NELL2: variants seen among roughly 807,000 people sequenced by gnomAD.
NELL2 encodes the protein neural EGFL like 2.
Under a neutral mutation model 109.6 loss-of-function variants are expected in NELL2, and 41 were observed. The ratio of observed to expected loss-of-function variants is 0.37; its 90% confidence interval spans 0.29 to 0.49. NELL2 has a LOEUF of 0.49. Ranked by LOEUF, NELL2 falls within the 20% of genes least tolerant of loss-of-function variation. NELL2 has a pLI of 0.98. For missense variants in NELL2, 900 were observed against 1,008.3 expected, an observed-to-expected ratio of 0.89 and a Z score of 1.45; for synonymous variants, 355 against 344.7, an observed-to-expected ratio of 1.03 and a Z score of -0.33.
At chr12:44,632,562 C>A (rs929811822) in intron 13 of NELL2, among the ~76,000 whole-genome samples, 5 of 151,908 alleles carry the variant, frequency 3.3e-5, no homozygotes, top group African/African-American at 1.2e-4. Context: ...ATAAATAAAG[C>A]ATCTGGAACC....
intron 2 of NELL2, among the ~76,000 whole-genome samples, chr12:44,854,515 G>A (rs905907214): frequency 1.3e-5 from 2 of 151,500 alleles, no homozygotes; most frequent in Non-Finnish European, 2.9e-5. Flanking sequence ...AAGGAAGGAC[G>A]AAATTTACTT....
Position 44,875,827 on chromosome 12 carries a change from C to A in NELL2, c.43G>T (p.Gly15Cys), listed in dbSNP as rs756134999. The A allele has an allele frequency of 1.9e-6, 3 of 1,613,750 alleles. No individual in the cohort carries two copies. Among genetic ancestry groups the A allele is most frequent in the Non-Finnish European group, 1.7e-6 (2 of 1,180,024 alleles). The part of the protein sequence containing the change: ...VLLRTFCLIF[G>C]LGAVWGLGVD... ...TGCGGCCACTCACCTGCTCCGAGAC[C>A]GAAGATCAAACAGAATGTTCTCAGT... Residue 15 changes from glycine (G) to cysteine (C), a missense_variant, in exon 1 of 20, where the codon GGT (glycine) becomes TGT (cysteine). Physicochemically the swap from Gly to Cys is radical, Grantham distance 159 (BLOSUM62 -3). Around this residue, in one of 4 missense-constraint regions of NELL2, gnomAD observed 200 missense variants for 191.8 expected, o/e 1.04. Transcript: ENST00000429094.
intron 2 of NELL2, among the ~76,000 whole-genome samples, chr12:44,858,614 G>A (rs746111117): frequency 5.9e-5 from 9 of 152,136 alleles, no homozygotes; most frequent in Admixed American, 1.3e-4. Flanking sequence ...CTACAAATAT[G>A]AGTTTATATG....
intron 9 of NELL2, among the ~76,000 whole-genome samples, chr12:44,722,593 A>G (rs1393590429): frequency 6.6e-6 from 1 of 152,224 alleles, no homozygotes. Context: ...TCAGAGAAGA[A>G]CACAGTCTTA....
chr12:44,594,480 C>T (rs1278837315), intron 15 of NELL2, among the ~76,000 whole-genome samples: 1 of 151,898 alleles, frequency 6.6e-6, no homozygotes, highest in Admixed American at 6.6e-5. Flanking sequence ...CTTTTGATTC[C>T]TAATATTGAA....
chr12:44,646,065 G>A (rs1193294870), intron 13 of NELL2, among the ~76,000 whole-genome samples: 1 of 151,756 alleles, frequency 6.6e-6, no homozygotes, highest in Non-Finnish European at 1.5e-5. Context: ...GCAAGGGTAT[G>A]TCTTTTTTTT....
intron 12 of NELL2, among the ~76,000 whole-genome samples, chr12:44,685,413 C>T (rs1188878693): frequency 6.6e-6 from 1 of 151,956 alleles, no homozygotes; most frequent in Non-Finnish European, 1.5e-5. Flanking sequence ...AGTCCATTGA[C>T]ATTTAAAGTT....
intron 3 of NELL2, among the ~76,000 whole-genome samples, chr12:44,790,335 C>A (rs1270307513): frequency 6.6e-6 from 1 of 152,078 alleles, no homozygotes; most frequent in African/African-American, 2.4e-5. Context: ...CCTCCTCAAA[C>A]AAAACAATTA....
intron 15 of NELL2, among the ~76,000 whole-genome samples, chr12:44,567,245 A>C (rs1257591554): frequency 6.6e-6 from 1 of 152,200 alleles, no homozygotes; most frequent in Non-Finnish European, 1.5e-5. Flanking sequence ...CTCATTTCTC[A>C]ATACTATTTC....
chr12:44,815,090 G>C (rs1168148487), intron 3 of NELL2, among the ~76,000 whole-genome samples: 1 of 152,116 alleles, frequency 6.6e-6, no homozygotes, highest in Non-Finnish European at 1.5e-5. Context: ...CAGAACTGTG[G>C]TTATTCTTTC....
intron 13 of NELL2, among the ~76,000 whole-genome samples, chr12:44,618,711 G>A (rs1239026385): frequency 6.6e-6 from 1 of 152,088 alleles, no homozygotes; most frequent in Non-Finnish European, 1.5e-5. Flanking sequence ...TTCAAGGACT[G>A]GTGATACGAA....
At position 44,648,900 on chromosome 12, in the gene NELL2, T is replaced by TTGTGTGTGTGTGTGTGTGTG. The variant is rs563769057; in HGVS notation, c.1444+16564_1444+16583dup. On this transcript the variant is annotated intron_variant, in intron 13 of 19. Coordinates refer to ENST00000429094, the MANE Select transcript of NELL2 (RefSeq NM_001145108.2). ...ACAGGCGCATGCCACCACGCCCAGCTTGTGTGTGTGTGTGTGTGTGTGTGT... is the reference window on the plus strand; with the variant it reads ...ACAGGCGCATGCCACCACGCCCAGCTTGTGTGTGTGTGTGTGTGTGTGTGTGTGTGTGTGTGTGTGTGTGT... Among the ~76,000 whole-genome samples the TTGTGTGTGTGTGTGTGTGTG allele has an allele frequency of 1.4e-3, 155 of 107,158 alleles. 1 individual carries two copies. The highest frequency in any genetic ancestry group is 7.2e-3 in the South Asian group (18 of 2,502). 70.3% of individuals were successfully genotyped at this position (107,158 alleles called of 152,430 possible).
intron 9 of NELL2, among the ~76,000 whole-genome samples, chr12:44,745,823 C>T (rs1170109787): frequency 6.6e-6 from 1 of 152,162 alleles, no homozygotes; most frequent in Non-Finnish European, 1.5e-5. Flanking sequence ...GAAGAACATT[C>T]CATCCTCACG....
intron 2 of NELL2, among the ~76,000 whole-genome samples, chr12:44,857,582 A>G (rs1944719948): frequency 6.6e-6 from 1 of 152,186 alleles, no homozygotes; most frequent in Non-Finnish European, 1.5e-5. Flanking sequence ...TTATCCAGAC[A>G]GAGCCAGGTA....
At chr12:44,832,539 C>T (rs530819852) in intron 2 of NELL2, among the ~76,000 whole-genome samples, 2 of 152,092 alleles carry the variant, frequency 1.3e-5, no homozygotes, top group East Asian at 1.9e-4. Flanking sequence ...TATAGCTGAC[C>T]GTCTTGTTCA....
chr12:44,648,710 C>CATATATAT (rs1187414211), intron 13 of NELL2, among the ~76,000 whole-genome samples: 7 of 117,964 alleles, frequency 5.9e-5, no homozygotes, highest in East Asian at 4.7e-4. Flanking sequence ...ACAATGCCAT[C>CATATATAT]ATATATATAT....
chr12:44,876,225 G>A lies in NELL2; in HGVS notation c.-356C>T, dbSNP rs1287934066. 2.6e-6 allele frequency: 3 copies of A among 1,176,326 alleles called. No homozygotes were observed. Among genetic ancestry groups the A allele is most frequent in the Non-Finnish European group, 3.2e-6 (3 of 949,696 alleles). The allele number at this position is 1,176,326 out of a possible 1,614,324, so 72.9% of individuals were successfully genotyped here. A position where few individuals can be genotyped will look rare whatever the true frequency, so the allele number is the denominator to read the frequency against. The stretch of plus-strand genomic sequence containing the variant: ...CCAAAGACTCGCACACCCGGTAGAA[G>A]GGGGGCGGCCCCAAGAAAGCCCGGG... On this transcript the variant is annotated 5_prime_UTR_variant, in exon 1 of 20. Coordinates refer to ENST00000429094, the MANE Select transcript of NELL2 (RefSeq NM_001145108.2).
At position 44,665,545 on chromosome 12, in the gene NELL2, C is replaced by T. The variant is rs202150491; in HGVS notation, c.1383G>A (p.Pro461=). ...CRENTMCVNT[P]GSFMCICKTG... ...TTTTGCAGATGCACATAAAAGAACCCGGGGTGTTGACACACATTGTATTTT... is the reference window on the plus strand; with the variant it reads ...TTTTGCAGATGCACATAAAAGAACCTGGGGTGTTGACACACATTGTATTTT... Residue 461 remains proline (P), a synonymous_variant, in exon 13 of 20, where the codon CCG becomes CCA. Coordinates refer to ENST00000429094, the MANE Select transcript of NELL2 (RefSeq NM_001145108.2). The T allele has an allele frequency of 7.3e-5, 118 of 1,613,326 alleles. No individual in the cohort carries two copies. In the East Asian group the frequency reaches 2.2e-3, roughly 30 times the overall value.
At position 44,520,117 on chromosome 12, in the gene NELL2, T is replaced by G; in HGVS notation, c.2288A>C (p.Asp763Ala). 3 of 1,614,166 alleles carry G rather than the reference T, an allele frequency of 1.9e-6. No homozygotes were observed. Among genetic ancestry groups the G allele is most frequent in the Non-Finnish European group, 2.5e-6 (3 of 1,180,036 alleles). The change falls in exon 19 of 20, where the codon GAC becomes GCC. Residue 763 changes from aspartate to alanine, a missense_variant. Transcript: ENST00000429094. ...PRCVTDPCQA[D>A]TIRNDITKTC... ...CTTGGTGATGTCATTGCGGATGGTGTCAGCCTGGCAAGGGTCTGTGACACA... is the reference window on the plus strand; with the variant it reads ...CTTGGTGATGTCATTGCGGATGGTGGCAGCCTGGCAAGGGTCTGTGACACA...
Sources: gnomAD v4.1 joint callset for allele counts (sites outside exome capture counted in the v4.1 genomes callset) on GRCh38, gnomAD v4.1.1 for gene constraint, gnomAD v4.1.1 regional missense constraint, MANE v1.5 for transcripts, NCBI Gene and HGNC (gene_info 2026-07-23, HGNC 2026-07-21) for gene names.